Variants in COPE observed in about 807,000 individuals in gnomAD.
COPE encodes the protein coat protein complex I subunit epsilon.
A neutral mutation model predicts 42.1 loss-of-function variants in COPE; 19 were observed. The ratio of observed to expected loss-of-function variants is 0.45; its 90% confidence interval spans 0.31 to 0.66. COPE has a LOEUF of 0.66. Ranked by LOEUF, COPE falls within the 30% of genes least tolerant of loss-of-function variation. The pLI, the probability that COPE is intolerant of heterozygous loss-of-function variation, is 0.05. For synonymous variants in COPE, 195 were observed against 181.3 expected, an observed-to-expected ratio of 1.08 and a Z score of -0.60; for missense variants, 402 against 416.1, an observed-to-expected ratio of 0.97 and a Z score of 0.30.
Position 18,899,549 on chromosome 19 carries a change from A to G in COPE, c.*130T>C. The G allele has an allele frequency of 2.4e-6, 2 of 826,704 alleles. No homozygotes were observed. Among genetic ancestry groups the G allele is most frequent in the Non-Finnish European group, 3.9e-6 (2 of 506,982 alleles). 51.2% of individuals were successfully genotyped at this position (826,704 alleles called of 1,614,324 possible). A position where few individuals can be genotyped will look rare whatever the true frequency, so the allele number is the denominator to read the frequency against. On this transcript the variant is annotated 3_prime_UTR_variant, in exon 10 of 10. Coordinates refer to ENST00000262812, the MANE Select transcript of COPE (RefSeq NM_007263.4). Reference sequence around the variant, plus strand: ...CACCCTGGAGTTGAGATATTTATTAACAGATGGGGGTGCTGGGGGTGGGCT... The same window carrying G: ...CACCCTGGAGTTGAGATATTTATTAGCAGATGGGGGTGCTGGGGGTGGGCT...
At chr19:18,902,307 G>A (rs765227599) in intron 7 of COPE, among the ~76,000 whole-genome samples, 2 of 150,844 alleles carry the variant, frequency 1.3e-5, no homozygotes, top group Non-Finnish European at 2.9e-5. Flanking sequence ...AACACAGCAA[G>A]AACAACCCCG....
chr19:18,905,779 A>G, intron 4 of COPE, 150 bp from the exon 5 acceptor site: 1 of 701,914 alleles, frequency 1.4e-6, no homozygotes, highest in Non-Finnish European at 2.3e-6. Context: ...GGACACCCTC[A>G]CTCCCACATT....
chr19:18,915,766 C>G (rs1339454612), intron 1 of COPE, among the ~76,000 whole-genome samples: 1 of 152,206 alleles, frequency 6.6e-6, no homozygotes, highest in Non-Finnish European at 1.5e-5. Flanking sequence ...TCCCTGTAGC[C>G]AGTGATCTGA....
chr19:18,902,607 T>C (rs138468266), intron 7 of COPE, among the ~76,000 whole-genome samples: 34 of 137,042 alleles, frequency 2.5e-4, no homozygotes, highest in East Asian at 1.0e-3. Flanking sequence ...GGAGGTTGCA[T>C]TGAGCTGAGA....
At chr19:18,905,748 C>A (rs1300977053) in intron 4 of COPE, 119 bp from the exon 5 acceptor site, 3 of 935,310 alleles carry the variant, frequency 3.2e-6, no homozygotes, top group Middle Eastern at 2.1e-4. Context: ...CTTAGGACCA[C>A]CAGCCCCGCC....
chr19:18,913,454 A>C (rs1455365327), intron 1 of COPE, among the ~76,000 whole-genome samples: 4 of 152,232 alleles, frequency 2.6e-5, no homozygotes, highest in African/African-American at 4.8e-5. Context: ...AGCCCTGGCC[A>C]GGGGAGACCC....
intron 1 of COPE, among the ~76,000 whole-genome samples, chr19:18,918,187 C>CAAAAAAAAAAAAAAAAAAAAAAAAA (rs771893763): frequency 2.0e-5 from 1 of 50,226 alleles, no homozygotes; most frequent in Non-Finnish European, 3.5e-5. Context: ...GTCTCCATCT[C>CAAAAAAAAAAAAAAAAAAAAAAAAA]AAAAAAAAAA....
intron 3 of COPE, 88 bp downstream of exon 3, chr19:18,910,883 C>A (rs962309164): frequency 1.7e-6 from 2 of 1,165,404 alleles, no homozygotes; most frequent in East Asian, 2.4e-5. Flanking sequence ...GTGCGCTGCA[C>A]GCCATGCCCC....
intron 7 of COPE, 123 bp downstream of exon 7, chr19:18,903,145 G>A: frequency 1.0e-5 from 10 of 998,102 alleles, no homozygotes; most frequent in South Asian, 2.2e-5. Flanking sequence ...GGCCTTAGAA[G>A]CCCTGTGGGG....
At chr19:18,910,467 C>A (rs527268588) in intron 3 of COPE, 1 of 161,690 alleles carries the variant, frequency 6.2e-6, no homozygotes, top group East Asian at 1.7e-4. Context: ...CAGCTATAGT[C>A]GTAGCTACTC....
chr19:18,900,138 C>T (rs1478868153), intron 8 of COPE, 191 bp from the exon 9 acceptor site: 9 of 624,548 alleles, frequency 1.4e-5, no homozygotes, highest in East Asian at 1.4e-4. Context: ...CCTGGAGAGG[C>T]GCTGGCATGG....
chr19:18,918,083 G>T (rs905364246), intron 1 of COPE, among the ~76,000 whole-genome samples: 1 of 150,046 alleles, frequency 6.7e-6, no homozygotes, highest in Non-Finnish European at 1.5e-5. Context: ...CCAGCTACTC[G>T]AGAGGCTGAG....
chr19:18,917,659 G>A (rs891550026), intron 1 of COPE, among the ~76,000 whole-genome samples: 1 of 151,898 alleles, frequency 6.6e-6, no homozygotes, highest in African/African-American at 2.4e-5. Flanking sequence ...CACCGCGCCC[G>A]GCCAGGAAAT....
chr19:18,919,305 T>TC lies in COPE; in HGVS notation c.43dup (p.Glu15GlyfsTer44). ...CTTTACGTCGAACAGCTCGTCTACC[T>TC]CCCCGGAGCCGCCGGAGGCCGGGCC... is the stretch of plus-strand genomic sequence containing the variant. On this transcript the variant is annotated frameshift_variant, in exon 1 of 10. Transcript: ENST00000262812. LOFTEE classifies it high-confidence loss of function. The TC allele has an allele frequency of 6.2e-7, 1 of 1,613,672 alleles. No homozygotes were observed. The highest frequency in any genetic ancestry group is 8.5e-7 in the Non-Finnish European group (1 of 1,179,970).
At position 18,913,045 on chromosome 19, in the gene COPE, A is replaced by C. The variant is rs929738905; in HGVS notation, c.128T>G (p.Leu43Arg). Residue 43 changes from leucine to arginine, a missense_variant and splice_region_variant, in exon 2 of 10, where the codon CTA becomes CGA. By Grantham distance (102) the Leu-to-Arg change is moderately radical. Transcript: ENST00000262812. ...CTCCACGTCTCTCTCTGGGCTTGAT[A>C]GCTGTGGGAACCAATGTGAGTCAGG... is the stretch of plus-strand genomic sequence containing the variant. ...QCINEAQRVK[L>R]SSPERDVERD... is the part of the protein sequence containing the mutation. 2 of 1,610,244 alleles carry C rather than the reference A, an allele frequency of 1.2e-6. No homozygotes were observed. Among genetic ancestry groups the C allele is most frequent in the Middle Eastern group, 1.7e-4 (1 of 6,058 alleles).
chr19:18,902,761 AAGGAAGGGAAAGAAGGAAGGAAGG>A (rs2056716038), intron 7 of COPE, among the ~76,000 whole-genome samples: 1 of 46,300 alleles, frequency 2.2e-5, no homozygotes, highest in African/African-American at 1.8e-4. Context: ...GGAAGGAAGG[AAGGAAGGGAAAGAAGGAAGGAAGG>A]AAGGAAGGAA....
intron 7 of COPE, 96 bp from the exon 8 acceptor site, chr19:18,900,545 C>A: frequency 3.2e-6 from 3 of 944,962 alleles, no homozygotes; most frequent in South Asian, 3.1e-5. Context: ...CACAAGGTCA[C>A]CTCCTCAGAG....
At chr19:18,901,652 G>A (rs1049070504) in intron 7 of COPE, among the ~76,000 whole-genome samples, 3 of 152,198 alleles carry the variant, frequency 2.0e-5, no homozygotes, top group African/African-American at 7.2e-5. Flanking sequence ...TTCTCAGCTG[G>A]GCGCACTGGC....
intron 1 of COPE, among the ~76,000 whole-genome samples, chr19:18,918,389 T>G (rs994174235): frequency 1.3e-5 from 2 of 152,166 alleles, no homozygotes; most frequent in Admixed American, 6.6e-5. Flanking sequence ...AGAAGGCGCC[T>G]CTCAGGTTTG....
Sources: gnomAD v4.1 joint callset for allele counts (sites outside exome capture counted in the v4.1 genomes callset) on GRCh38, gnomAD v4.1.1 for gene constraint, MANE v1.5 for transcripts, NCBI Gene and HGNC (gene_info 2026-07-23, HGNC 2026-07-21) for gene names.